The following METTL15 variants were observed in gnomAD, a reference collection of about 807,000 sequenced individuals.
METTL15 encodes 12S rRNA N(4)-cytidine methyltransferase METTL15.
In METTL15, 34 loss-of-function variants were observed where a neutral mutation model predicts 38.3. The observed-to-expected ratio is 0.89, with a 90% CI of 0.68 to 1.18. METTL15 has a LOEUF of 1.18. Ranked by LOEUF, METTL15 falls within the 50% of genes most tolerant of loss-of-function variation. METTL15 has a pLI of 0.00. For missense variants in METTL15, 438 were observed against 498.4 expected, an observed-to-expected ratio of 0.88 and a Z score of 1.15; for synonymous variants, 162 against 170.9, an observed-to-expected ratio of 0.95 and a Z score of 0.41.
intron 4 of METTL15, among the ~76,000 whole-genome samples, chr11:28,220,430 T>C (rs1040355876): frequency 2.0e-5 from 3 of 152,140 alleles, no homozygotes; most frequent in Admixed American, 1.3e-4. Flanking sequence ...CTTCCTCCAT[T>C]CCTTTATTTT....
chr11:28,339,560 A>C (rs949198857), intron 3 of METTL15, among the ~76,000 whole-genome samples: 2 of 151,548 alleles, frequency 1.3e-5, no homozygotes, highest in African/African-American at 4.8e-5. Context: ...TACAAAAGAC[A>C]TAAAAGTTAA....
At chr11:28,427,728 T>C (rs779046438) in intron 6 of METTL15, among the ~76,000 whole-genome samples, 4 of 152,230 alleles carry the variant, frequency 2.6e-5, no homozygotes, top group Non-Finnish European at 5.9e-5. Context: ...GATTTGGCTG[T>C]CAGCTTGCCT....
At chr11:28,204,891 AT>A (rs1408876502) in intron 3 of METTL15, among the ~76,000 whole-genome samples, 1 of 152,012 alleles carries the variant, frequency 6.6e-6, no homozygotes, top group East Asian at 1.9e-4. Context: ...TAAACTTAGT[AT>A]TAAAATGTGA....
intron 6 of METTL15, among the ~76,000 whole-genome samples, chr11:28,455,673 T>C (rs2467216): frequency 0.99 from 151,310 of 152,330 alleles, 75,161 homozygotes; most frequent in Middle Eastern, 1. Flanking sequence ...ACTGTACTAG[T>C]CATGGTGATA....
At chr11:28,218,802 A>G (rs533927886) in intron 4 of METTL15, among the ~76,000 whole-genome samples, 5 of 152,158 alleles carry the variant, frequency 3.3e-5, no homozygotes, top group South Asian at 2.1e-4. Context: ...CCTTTTCTGC[A>G]TGTATTGAGA....
intron 5 of METTL15, among the ~76,000 whole-genome samples, chr11:28,382,461 C>A (rs976253845): frequency 3.9e-5 from 6 of 152,022 alleles, no homozygotes; most frequent in African/African-American, 1.2e-4. Context: ...CTCACTTTTT[C>A]CATGTAGAAA....
In METTL15 at chr11:28,523,709, G is replaced by A. The variant is rs115194022; in HGVS notation, c.*425-2769G>A. 7.9e-3 allele frequency among the ~76,000 whole-genome samples: 1,200 copies of A among 152,264 alleles called. 23 individuals carry two copies. The highest frequency in any genetic ancestry group is 0.027 in the African/African-American group (1,135 of 41,534). The stretch of plus-strand genomic sequence containing the variant: ...ACATTGACCTATCAGTAATAAGTTA[G>A]GCAGCCATAAAACTCTTAAAGGTTG... On this transcript the variant is annotated intron_variant and NMD_transcript_variant, in intron 6 of 7. Transcript: ENST00000532947.
chr11:28,503,791 G>A (rs1398843304), intron 6 of METTL15, among the ~76,000 whole-genome samples: 2 of 150,904 alleles, frequency 1.3e-5, no homozygotes, highest in Admixed American at 6.6e-5. Flanking sequence ...GCTCCATCTC[G>A]AGGGGAAAAA....
In METTL15 at chr11:28,411,591, TG is replaced by T. The variant is rs763495306; in HGVS notation, c.*359-12706del. On this transcript the variant is annotated intron_variant and NMD_transcript_variant, in intron 5 of 7. Coordinates refer to the METTL15 transcript ENST00000532947. Reference sequence around the variant, plus strand: ...TACACAGAAATCAACTCAAAATGGATGGATAAAAGACCTAAATAAATGTAAG... The same window carrying T: ...TACACAGAAATCAACTCAAAATGGATGATAAAAGACCTAAATAAATGTAAG... 4.6e-5 allele frequency among the ~76,000 whole-genome samples: 7 copies of T among 152,044 alleles called. No individual in the cohort carries two copies. The South Asian group carries it at 1.2e-3, about 27-fold the overall frequency.
chr11:28,267,096 G>T (rs1033239356), intron 4 of METTL15, among the ~76,000 whole-genome samples: 2 of 148,798 alleles, frequency 1.3e-5, no homozygotes, highest in Non-Finnish European at 3.0e-5. Context: ...GGAGGCAGAG[G>T]TTGCAGTGAG....
chr11:28,222,942 A>C (rs1853308557), intron 4 of METTL15, among the ~76,000 whole-genome samples: 1 of 152,170 alleles, frequency 6.6e-6, no homozygotes, highest in African/African-American at 2.4e-5. Context: ...AAACTGTGAA[A>C]AGATGCTCCA....
chr11:28,267,216 T>G (rs1855460587), intron 4 of METTL15, among the ~76,000 whole-genome samples: 1 of 145,084 alleles, frequency 6.9e-6, no homozygotes, highest in South Asian at 2.3e-4. Flanking sequence ...TCTAGGGCCC[T>G]CCAGTGTCTA....
chr11:28,151,403 A>AT (rs751045668), intron 3 of METTL15, among the ~76,000 whole-genome samples: 83 of 151,876 alleles, frequency 5.5e-4, no homozygotes, highest in Admixed American at 3.9e-3. Context: ...TCATCACATC[A>AT]TTTTCTAGGG....
chr11:28,245,596 A>AAAGG (rs1261935829), intron 4 of METTL15, among the ~76,000 whole-genome samples: 1 of 152,214 alleles, frequency 6.6e-6, no homozygotes, highest in East Asian at 1.9e-4. Flanking sequence ...TAACAGGCAT[A>AAAGG]TATATACCTT....
chr11:28,309,202 A>T (rs1403221822), intron 6 of METTL15, among the ~76,000 whole-genome samples: 1 of 152,222 alleles, frequency 6.6e-6, no homozygotes, highest in Non-Finnish European at 1.5e-5. Context: ...TTGTCCTTAC[A>T]GTAATATCTG....
intron 6 of METTL15, among the ~76,000 whole-genome samples, chr11:28,522,756 G>A (rs1485226669): frequency 6.6e-6 from 1 of 152,166 alleles, no homozygotes; most frequent in Non-Finnish European, 1.5e-5. Context: ...TACAAGGGCA[G>A]AACCAGTTGC....
chr11:28,198,895 CTT>C (rs1274513374), intron 3 of METTL15, among the ~76,000 whole-genome samples: 1 of 151,868 alleles, frequency 6.6e-6, no homozygotes, highest in African/African-American at 2.4e-5. Flanking sequence ...GTAATATAGT[CTT>C]GAGTGATTCA....
chr11:28,455,960 C>T (rs1851164850), intron 6 of METTL15, among the ~76,000 whole-genome samples: 1 of 152,136 alleles, frequency 6.6e-6, no homozygotes, highest in Non-Finnish European at 1.5e-5. Flanking sequence ...CCCGCTTTGG[C>T]CTCCCAAAGT....
intron 5 of METTL15, among the ~76,000 whole-genome samples, chr11:28,389,416 G>A (rs1850477951): frequency 8.1e-6 from 1 of 122,856 alleles, no homozygotes; most frequent in Admixed American, 1.1e-4. Flanking sequence ...AGAGTGTGAT[G>A]TTCCCCTTCC....
Sources: allele counts gnomAD v4.1 joint callset (sites outside exome capture counted in the v4.1 genomes callset), GRCh38; gene constraint gnomAD v4.1.1; transcripts MANE v1.5; gene names NCBI Gene and HGNC (gene_info 2026-07-23, HGNC 2026-07-21).